EYS: variants seen among roughly 807,000 people sequenced by gnomAD.
EYS encodes EGF-like photoreceptor maintenance factor, also known as protein eyes shut homolog.
A neutral mutation model predicts 282.1 loss-of-function variants in EYS; 250 were observed. The observed-to-expected ratio is 0.89, with a 90% CI of 0.80 to 0.98. EYS has a LOEUF of 0.98. Among genes scored for constraint, EYS ranks in the 50% least tolerant of loss-of-function variants. EYS has a pLI of 0.00. For synonymous variants in EYS, 1,355 were observed against 1,282.9 expected (o/e 1.06, Z -1.20); for missense variants, 4,016 against 3,709.0 (o/e 1.08, Z -2.15).
chr6:65,529,123 G>T (rs1767673124), intron 2 of EYS, among the ~76,000 whole-genome samples: 1 of 151,858 alleles, frequency 6.6e-6, no homozygotes, highest in African/African-American at 2.4e-5. Context: ...ATTTCCTCTT[G>T]GGGGCTTGCT....
At chr6:64,338,524 A>G (rs1204031897) in intron 29 of EYS, among the ~76,000 whole-genome samples, 1 of 151,956 alleles carries the variant, frequency 6.6e-6, no homozygotes, top group East Asian at 1.9e-4. Context: ...ATGGATGGGT[A>G]GAGTAGAATC....
At chr6:65,141,657 ATCTATC>A (rs1764347705) in intron 12 of EYS, among the ~76,000 whole-genome samples, 1 of 33,598 alleles carries the variant, frequency 3.0e-5, no homozygotes, top group Non-Finnish European at 5.9e-5. Context: ...CTGTCTATCT[ATCTATC>A]TATCTATCTA....
intron 35 of EYS, among the ~76,000 whole-genome samples, chr6:63,902,036 G>C (rs1174678537): frequency 2.0e-5 from 3 of 152,130 alleles, no homozygotes; most frequent in Admixed American, 6.5e-5. Flanking sequence ...AGGATTACAG[G>C]TACCCACCAC....
chr6:63,960,358 G>A (rs768083601), intron 35 of EYS, among the ~76,000 whole-genome samples: 6 of 152,200 alleles, frequency 3.9e-5, no homozygotes, highest in Non-Finnish European at 5.9e-5. Flanking sequence ...TCAAACTTGA[G>A]TTTGAGGAGT....
intron 12 of EYS, among the ~76,000 whole-genome samples, chr6:65,205,572 C>T (rs1766014605): frequency 6.6e-6 from 1 of 151,884 alleles, no homozygotes; most frequent in Non-Finnish European, 1.5e-5. Flanking sequence ...ATTTACAGAA[C>T]ATTCCACTGA....
At chr6:64,759,011 C>T (rs1426064711) in intron 22 of EYS, among the ~76,000 whole-genome samples, 2 of 152,112 alleles carry the variant, frequency 1.3e-5, no homozygotes, top group East Asian at 1.9e-4. Flanking sequence ...TGATGGCGGG[C>T]GCCTGTAGTC....
intron 11 of EYS, among the ~76,000 whole-genome samples, chr6:65,306,384 C>T (rs939068879): frequency 5.9e-5 from 9 of 152,134 alleles, no homozygotes; most frequent in Non-Finnish European, 1.2e-4. Flanking sequence ...ATCGACACAC[C>T]TCTACCAATC....
At chr6:64,660,035 A>G (rs1364062227) in intron 22 of EYS, among the ~76,000 whole-genome samples, 1 of 152,212 alleles carries the variant, frequency 6.6e-6, no homozygotes, top group Non-Finnish European at 1.5e-5. Flanking sequence ...AAGCTTATCC[A>G]CTATGATCAA....
intron 33 of EYS, among the ~76,000 whole-genome samples, chr6:64,000,177 T>TCAG (rs1409387453): frequency 1.0e-4 from 5 of 49,504 alleles, no homozygotes; most frequent in Admixed American, 1.6e-4. Flanking sequence ...ACTTTTTTTT[T>TCAG]TTTTTTTTTT....
chr6:64,567,190 T>C (rs1765592639), intron 26 of EYS, among the ~76,000 whole-genome samples: 3 of 152,186 alleles, frequency 2.0e-5, no homozygotes, highest in Admixed American at 2.0e-4. Flanking sequence ...TAACGCATTT[T>C]AGAAACCAGT....
At chr6:64,236,248 C>T (rs909594829) in intron 30 of EYS, among the ~76,000 whole-genome samples, 16 of 152,292 alleles carry the variant, frequency 1.1e-4, no homozygotes, top group South Asian at 4.1e-4. Context: ...GCTGGGATTA[C>T]GGGCGTGAGC....
At chr6:65,684,419 C>T (rs139132330) in intron 1 of EYS, among the ~76,000 whole-genome samples, 29 of 152,016 alleles carry the variant, frequency 1.9e-4, no homozygotes, top group African/African-American at 5.3e-4. Flanking sequence ...CGTGGGAGCA[C>T]GTTCAAAAGA....
At chr6:63,725,400 C>G (rs573734119) in intron 42 of EYS, among the ~76,000 whole-genome samples, 1 of 152,192 alleles carries the variant, frequency 6.6e-6, no homozygotes, top group African/African-American at 2.4e-5. Flanking sequence ...CTGAATATAC[C>G]TTGATTTTCT....
chr6:64,480,120 T>C (rs1484376851), intron 26 of EYS, among the ~76,000 whole-genome samples: 3 of 151,908 alleles, frequency 2.0e-5, no homozygotes, highest in Non-Finnish European at 4.4e-5. Flanking sequence ...TTTCATTCAC[T>C]CTCTCCAGTT....
intron 2 of EYS, among the ~76,000 whole-genome samples, chr6:65,519,557 G>A (rs959712242): frequency 1.3e-4 from 19 of 146,650 alleles, no homozygotes; most frequent in African/African-American, 4.8e-4. Context: ...ATTAATAATT[G>A]AATTAATGAG....
At chr6:65,094,127 G>A (rs1774655579) in intron 12 of EYS, among the ~76,000 whole-genome samples, 1 of 151,158 alleles carries the variant, frequency 6.6e-6, no homozygotes, top group African/African-American at 2.4e-5. Context: ...AAACAAAGAA[G>A]ATTATATAAT....
intron 29 of EYS, among the ~76,000 whole-genome samples, chr6:64,350,930 G>A (rs1418093434): frequency 2.6e-5 from 4 of 151,448 alleles, no homozygotes; most frequent in Non-Finnish European, 4.4e-5. Flanking sequence ...GGTTTTATAA[G>A]GGGCTTTTCC....
At chr6:64,646,749 A>G (rs1226226139) in intron 22 of EYS, among the ~76,000 whole-genome samples, 4 of 151,810 alleles carry the variant, frequency 2.6e-5, no homozygotes, top group Non-Finnish European at 5.9e-5. Context: ...AGCTTGCAGT[A>G]AGCTGAGATT....
intron 8 of EYS, among the ~76,000 whole-genome samples, chr6:65,355,988 A>G (rs541084229): frequency 6.6e-6 from 1 of 152,196 alleles, no homozygotes; most frequent in South Asian, 2.1e-4. Flanking sequence ...TATCTGCGCA[A>G]AGGAAAAGAA....
Sources: gnomAD v4.1 joint callset for allele counts (sites outside exome capture counted in the v4.1 genomes callset) on GRCh38, gnomAD v4.1.1 for gene constraint, MANE v1.5 for transcripts, NCBI Gene and HGNC (gene_info 2026-07-23, HGNC 2026-07-21) for gene names.